The following TAFA1 variants were observed in gnomAD, a reference collection of about 807,000 sequenced individuals.
TAFA1 encodes TAFA chemokine like family member 1.
In TAFA1, 4 loss-of-function variants were observed where a neutral mutation model predicts 18.5. That is an observed-to-expected ratio of 0.22 (90% CI 0.11 to 0.49). The LOEUF is 0.49. TAFA1 is among the 20% of genes least tolerant of loss of function. TAFA1 has a pLI of 0.98. For missense variants in TAFA1, 147 were observed against 169.0 expected (o/e 0.87, Z 0.72); for synonymous variants, 56 against 55.2 (o/e 1.01, Z -0.06).
chr3:68,182,778 C>G (rs955588742), intron 2 of TAFA1, among the ~76,000 whole-genome samples: 3 of 152,088 alleles, frequency 2.0e-5, no homozygotes, highest in Non-Finnish European at 4.4e-5. Context: ...GCTTTATGCA[C>G]TATACACATT....
chr3:68,441,581 C>T (rs2071381683), intron 3 of TAFA1, among the ~76,000 whole-genome samples: 1 of 152,094 alleles, frequency 6.6e-6, no homozygotes, highest in Non-Finnish European at 1.5e-5. Flanking sequence ...GTGGGTTGTG[C>T]ACACCAGCAT....
chr3:68,320,268 G>A (rs1336146797), intron 2 of TAFA1, among the ~76,000 whole-genome samples: 1 of 152,154 alleles, frequency 6.6e-6, no homozygotes, highest in African/African-American at 2.4e-5. Flanking sequence ...TGGCTTCCTT[G>A]TATCTTCCCC....
intron 2 of TAFA1, among the ~76,000 whole-genome samples, chr3:68,212,650 C>T (rs1213491162): frequency 6.6e-6 from 1 of 152,024 alleles, no homozygotes; most frequent in Non-Finnish European, 1.5e-5. Flanking sequence ...CTTTTATCCC[C>T]TTTCAGAATT....
At chr3:68,315,570 T>A (rs2068593961) in intron 2 of TAFA1, among the ~76,000 whole-genome samples, 2 of 152,194 alleles carry the variant, frequency 1.3e-5, no homozygotes, top group South Asian at 4.1e-4. Context: ...TCACTAAAGT[T>A]CCTTATATAG....
chr3:68,132,984 G>A (rs1332020053), intron 2 of TAFA1, among the ~76,000 whole-genome samples: 1 of 152,092 alleles, frequency 6.6e-6, no homozygotes, highest in East Asian at 1.9e-4. Context: ...TTTCTGCTAG[G>A]GTTTTTATAG....
intron 2 of TAFA1, among the ~76,000 whole-genome samples, chr3:68,044,759 C>A (rs2077227970): frequency 6.6e-6 from 1 of 152,136 alleles, no homozygotes; most frequent in South Asian, 2.1e-4. Flanking sequence ...AGGTGTTAGA[C>A]CTTGGGCAAG....
intron 2 of TAFA1, among the ~76,000 whole-genome samples, chr3:68,056,139 A>G (rs890233216): frequency 3.3e-5 from 5 of 152,154 alleles, no homozygotes; most frequent in African/African-American, 1.2e-4. Flanking sequence ...CCCCATCCCA[A>G]TTCAATCTTA....
At chr3:68,245,796 G>C (rs891964866) in intron 2 of TAFA1, among the ~76,000 whole-genome samples, 2 of 152,288 alleles carry the variant, frequency 1.3e-5, no homozygotes, top group South Asian at 4.1e-4. Flanking sequence ...TCAATGTTTT[G>C]CTCTTGAGGA....
intron 2 of TAFA1, among the ~76,000 whole-genome samples, chr3:68,383,661 C>A (rs2070029399): frequency 6.6e-6 from 1 of 151,956 alleles, no homozygotes; most frequent in African/African-American, 2.4e-5. Flanking sequence ...GTTGTATCTC[C>A]ACCAGGTTTT....
At chr3:68,380,374 A>G (rs1004634026) in intron 2 of TAFA1, among the ~76,000 whole-genome samples, 25 of 152,310 alleles carry the variant, frequency 1.6e-4, no homozygotes, top group African/African-American at 5.8e-4. Context: ...ACTAGTTTAC[A>G]GTCCCACCAA....
At chr3:68,544,415 C>A in intron 4 of TAFA1, 71 bp from the exon 5 acceptor site, 2 of 1,484,732 alleles carry the variant, frequency 1.3e-6, no homozygotes, top group Non-Finnish European at 1.9e-6. Context: ...TCCTTTTCTA[C>A]ATAATCACAT....
chr3:68,361,083 T>G (rs2106793738), intron 2 of TAFA1, among the ~76,000 whole-genome samples: 1 of 152,124 alleles, frequency 6.6e-6, no homozygotes, highest in East Asian at 1.9e-4. Flanking sequence ...CCTTCAAGTA[T>G]TAAAATAATT....
intron 2 of TAFA1, among the ~76,000 whole-genome samples, chr3:68,070,355 T>C (rs2064738112): frequency 6.6e-6 from 1 of 152,200 alleles, no homozygotes; most frequent in South Asian, 2.1e-4. Flanking sequence ...CCATTTTAGC[T>C]GCAGTTGGAA....
At chr3:68,535,206 T>C (rs1191401321) in intron 3 of TAFA1, among the ~76,000 whole-genome samples, 1 of 152,168 alleles carries the variant, frequency 6.6e-6, no homozygotes, top group Non-Finnish European at 1.5e-5. Flanking sequence ...TTGTGTCTTA[T>C]GTAACTGAAA....
chr3:68,095,843 G>A (rs1406065996), intron 2 of TAFA1, among the ~76,000 whole-genome samples: 4 of 152,008 alleles, frequency 2.6e-5, no homozygotes, highest in African/African-American at 9.7e-5. Flanking sequence ...TAATATTTGT[G>A]TATATTTATT....
intron 3 of TAFA1, among the ~76,000 whole-genome samples, chr3:68,483,232 G>C (rs185846311): frequency 6.6e-6 from 1 of 152,120 alleles, no homozygotes; most frequent in East Asian, 1.9e-4. Context: ...TTAAAAAATA[G>C]ATATACATGT....
chr3:68,362,500 T>C (rs1269497660), intron 2 of TAFA1, among the ~76,000 whole-genome samples: 1 of 152,182 alleles, frequency 6.6e-6, no homozygotes, highest in Non-Finnish European at 1.5e-5. Flanking sequence ...TTTATTGGTA[T>C]GGTGTTTATG....
intron 2 of TAFA1, among the ~76,000 whole-genome samples, chr3:68,305,444 TA>T (rs2068397617): frequency 8.3e-6 from 1 of 120,190 alleles, no homozygotes; most frequent in South Asian, 2.8e-4. Flanking sequence ...TATATATATA[TA>T]TATATATATA....
At chr3:68,041,838 A>G (rs1705171734) in intron 2 of TAFA1, among the ~76,000 whole-genome samples, 1 of 152,218 alleles carries the variant, frequency 6.6e-6, no homozygotes, top group African/African-American at 2.4e-5. Flanking sequence ...AGAGGACCCA[A>G]GAAGGTATGG....
Sources: gnomAD v4.1 joint callset for allele counts (sites outside exome capture counted in the v4.1 genomes callset) on GRCh38, gnomAD v4.1.1 for gene constraint, MANE v1.5 for transcripts, NCBI Gene and HGNC (gene_info 2026-07-23, HGNC 2026-07-21) for gene names.